The following CYP19A1 variants were observed in gnomAD, a reference collection of about 807,000 sequenced individuals.
CYP19A1 encodes aromatase.
CYP19A1 carries 32 observed loss-of-function variants against 44.4 expected under a neutral mutation model. The observed-to-expected ratio is 0.72, with a 90% CI of 0.54 to 0.97. The LOEUF is 0.97. Among genes scored for constraint, CYP19A1 ranks in the 50% least tolerant of loss-of-function variants. The probability of loss-of-function intolerance (pLI) is 0.00; values close to 1 mark genes in which losing one functional copy is unlikely to be tolerated. For synonymous variants in CYP19A1, 212 were observed against 215.6 expected (o/e 0.98, Z 0.14); for missense variants, 598 against 637.8 (o/e 0.94, Z 0.67).
chr15:51,218,398 T>C, intron 6 of CYP19A1, 143 bp downstream of exon 6: 4 of 1,294,752 alleles, frequency 3.1e-6, no homozygotes, highest in Non-Finnish European at 4.1e-6. Flanking sequence ...AAAAAGTGTT[T>C]CATCAGCAAC....
chr15:51,288,310 C>G (rs2035756091), intron 1 of CYP19A1, among the ~76,000 whole-genome samples: 2 of 152,118 alleles, frequency 1.3e-5, no homozygotes, highest in African/African-American at 2.4e-5. Context: ...CTTGTTCAAG[C>G]TGCCACCGCT....
At chr15:51,266,664 T>A (rs1272072174) in intron 1 of CYP19A1, among the ~76,000 whole-genome samples, 1 of 152,240 alleles carries the variant, frequency 6.6e-6, no homozygotes, top group Non-Finnish European at 1.5e-5. Context: ...TCATCTCTGC[T>A]CTTGCCCTTT....
intron 2 of CYP19A1, among the ~76,000 whole-genome samples, chr15:51,242,522 A>G (rs2033830303): frequency 6.6e-6 from 1 of 152,080 alleles, no homozygotes; most frequent in South Asian, 2.1e-4. Flanking sequence ...TGCCAAGTCT[A>G]CTTTACGAAA....
At chr15:51,269,793 C>T (rs1016376930) in intron 1 of CYP19A1, among the ~76,000 whole-genome samples, 1 of 152,204 alleles carries the variant, frequency 6.6e-6, no homozygotes, top group African/African-American at 2.4e-5. Flanking sequence ...TTGTCTGAAG[C>T]CCTTTCCACA....
intron 1 of CYP19A1, among the ~76,000 whole-genome samples, chr15:51,297,856 A>ACACACACACACACG (rs2036030728): frequency 1.3e-5 from 2 of 149,868 alleles, no homozygotes; most frequent in Non-Finnish European, 3.0e-5. Flanking sequence ...ACACACACAC[A>ACACACACACACACG]CACACACACA....
At chr15:51,269,994 C>A (rs1275964944) in intron 1 of CYP19A1, among the ~76,000 whole-genome samples, 1 of 142,614 alleles carries the variant, frequency 7.0e-6, no homozygotes, top group African/African-American at 2.5e-5. Flanking sequence ...GAAATTCTAC[C>A]CCAAAAAGTC....
intron 1 of CYP19A1, among the ~76,000 whole-genome samples, chr15:51,268,140 C>A (rs1288139630): frequency 6.6e-6 from 1 of 152,124 alleles, no homozygotes; most frequent in Admixed American, 6.5e-5. Context: ...ATGCAATAAA[C>A]CTCAAATATT....
chr15:51,337,439 A>G (rs912422160), intron 1 of CYP19A1, among the ~76,000 whole-genome samples: 1 of 152,236 alleles, frequency 6.6e-6, no homozygotes, highest in African/African-American at 2.4e-5. Flanking sequence ...AAGCTTCACA[A>G]CCCTATGAAA....
intron 1 of CYP19A1, among the ~76,000 whole-genome samples, chr15:51,254,602 C>G (rs1014213340): frequency 1.3e-5 from 2 of 152,096 alleles, no homozygotes. Context: ...TTTTTCATCT[C>G]TTTTCTCTTT....
intron 1 of CYP19A1, among the ~76,000 whole-genome samples, chr15:51,308,939 C>T (rs915835810): frequency 4.6e-5 from 7 of 152,300 alleles, no homozygotes; most frequent in African/African-American, 1.7e-4. Context: ...ATTCTTCCCT[C>T]CCACATTTAC....
At chr15:51,288,579 A>G (rs1329404659) in intron 1 of CYP19A1, among the ~76,000 whole-genome samples, 2 of 152,116 alleles carry the variant, frequency 1.3e-5, no homozygotes, top group South Asian at 4.2e-4. Flanking sequence ...GTGGCCCACT[A>G]CAGAGAAACT....
At chr15:51,276,300 C>G (rs924531927) in intron 1 of CYP19A1, among the ~76,000 whole-genome samples, 1 of 152,286 alleles carries the variant, frequency 6.6e-6, no homozygotes, top group East Asian at 1.9e-4. Context: ...ATGACAAGCT[C>G]TACAGGCCCA....
intron 4 of CYP19A1, among the ~76,000 whole-genome samples, chr15:51,223,593 T>TCTCTCACACACACACA (rs1356666512): frequency 0.014 from 1,287 of 90,120 alleles, 23 homozygotes; most frequent in East Asian, 0.032. Context: ...TCTCTCTCTC[T>TCTCTCACACACACACA]CACACACACA....
At chr15:51,286,743 G>A (rs1035747265) in intron 1 of CYP19A1, among the ~76,000 whole-genome samples, 2 of 152,160 alleles carry the variant, frequency 1.3e-5, no homozygotes, top group African/African-American at 4.8e-5. Context: ...CAGATCTGTT[G>A]CTTTGTACCT....
intron 1 of CYP19A1, among the ~76,000 whole-genome samples, chr15:51,247,285 T>C (rs2034103141): frequency 6.6e-6 from 1 of 152,026 alleles, no homozygotes; most frequent in African/African-American, 2.4e-5. Context: ...AGCTCTTACT[T>C]CTGTGAAGGC....
Position 51,212,192 on chromosome 15 carries a change from T to TA in CYP19A1, c.1263+127_1263+128insT. The TA allele has an allele frequency of 3.8e-6, 3 of 788,028 alleles. No individual in the cohort carries two copies. In the Admixed American group the frequency reaches 5.2e-5, roughly 14 times the overall value. 48.8% of individuals were successfully genotyped at this position (788,028 alleles called of 1,614,324 possible). On this transcript the variant is annotated intron_variant, in intron 9 of 9. Transcript: ENST00000396402. ...CCAAGCTAGGGGACGTGTGTGCTCC[T>TA]GGTGAGGTGGCAGAGGGAATGAGTA...
chr15:51,261,838 T>A (rs935806830), intron 1 of CYP19A1, among the ~76,000 whole-genome samples: 7 of 152,242 alleles, frequency 4.6e-5, no homozygotes, highest in African/African-American at 1.7e-4. Flanking sequence ...GAGAGGCCGA[T>A]GGGTGAAGCA....
At chr15:51,311,087 C>T (rs1364423742) in intron 1 of CYP19A1, among the ~76,000 whole-genome samples, 7 of 151,746 alleles carry the variant, frequency 4.6e-5, no homozygotes, top group African/African-American at 7.3e-5. Flanking sequence ...GTCCAGGAAA[C>T]AATTTAAAAC....
intron 5 of CYP19A1, among the ~76,000 whole-genome samples, chr15:51,219,582 G>A (rs2031895624): frequency 6.6e-6 from 1 of 152,196 alleles, no homozygotes; most frequent in South Asian, 2.1e-4. Flanking sequence ...AGGCCCTGAG[G>A]CTGGAGCTGC....
Sources: allele counts gnomAD v4.1 joint callset (sites outside exome capture counted in the v4.1 genomes callset), GRCh38; gene constraint gnomAD v4.1.1; transcripts MANE v1.5; gene names NCBI Gene and HGNC (gene_info 2026-07-23, HGNC 2026-07-21).